Variants in P2RX5 observed in about 807,000 individuals in gnomAD.
P2RX5 encodes the protein P2X purinoceptor 5.
Under a neutral mutation model 54.1 loss-of-function variants are expected in P2RX5, and 46 were observed. The observed-to-expected ratio is 0.85, with a 90% CI of 0.67 to 1.09. The LOEUF (loss-of-function observed/expected upper bound fraction) is 1.09, where lower values mean the gene tolerates loss of function less well. Among genes scored for constraint, P2RX5 ranks in the 50% least tolerant of loss-of-function variants. The pLI, the probability that P2RX5 is intolerant of heterozygous loss-of-function variation, is 0.00. For missense variants in P2RX5, 566 were observed against 549.8 expected (o/e 1.03, Z -0.29); for synonymous variants, 226 against 226.4 (o/e 1.00, Z 0.02).
At chr17:3,688,386 C>G (rs77517893) in intron 8 of P2RX5, among the ~76,000 whole-genome samples, 3,748 of 152,298 alleles carry the variant, frequency 0.025, 146 homozygotes, top group African/African-American at 0.086. Flanking sequence ...CGGCAGAGGC[C>G]GCAAGACTCG....
intron 1 of P2RX5, among the ~76,000 whole-genome samples, chr17:3,694,266 C>A (rs2050697176): frequency 6.9e-6 from 1 of 144,888 alleles, no homozygotes; most frequent in African/African-American, 2.5e-5. Context: ...TATACAATTT[C>A]ATTTATACGA....
the P2RX5 span, among the ~76,000 whole-genome samples, chr17:3,719,869 A>G: frequency 3.4e-4 from 51 of 152,002 alleles, no homozygotes; most frequent in African/African-American, 1.2e-3. Flanking sequence ...GTGGGATTAC[A>G]GGCACCCACC....
chr17:3,681,363 G>A (rs917843220), intron 10 of P2RX5, among the ~76,000 whole-genome samples: 8 of 140,392 alleles, frequency 5.7e-5, no homozygotes, highest in Admixed American at 3.5e-4. Flanking sequence ...TCCCCTTCCC[G>A]CCCTCCCACA....
chr17:3,677,875 G>A (rs558576152), intron 11 of P2RX5: 4 of 985,288 alleles, frequency 4.1e-6, no homozygotes, highest in Non-Finnish European at 4.8e-6. Flanking sequence ...TCCTCTTCTA[G>A]GTCCGAGCCC....
At chr17:3,691,574 T>C in intron 2 of P2RX5, 70 bp downstream of exon 2, 1 of 1,592,886 alleles carries the variant, frequency 6.3e-7, no homozygotes, top group Non-Finnish European at 8.6e-7. Flanking sequence ...TCCAAGAAGC[T>C]TCCCGTGTGA....
Position 3,690,587 on chromosome 17 carries a change from G to C in P2RX5, c.436+18C>G. Reference sequence around the variant, plus strand: ...ACTCCGAGTCCTCCTTCAGCCCGTGGCCGCTCCAGGCCCTCACCGTTTCCA... The same window carrying C: ...ACTCCGAGTCCTCCTTCAGCCCGTGCCCGCTCCAGGCCCTCACCGTTTCCA... On this transcript the variant is annotated intron_variant, in intron 4 of 11. Coordinates refer to ENST00000225328, the MANE Select transcript of P2RX5 (RefSeq NM_002561.4). The C allele has an allele frequency of 6.2e-7, 1 of 1,613,418 alleles. No homozygotes were observed. The highest frequency in any genetic ancestry group is 1.1e-5 in the South Asian group (1 of 91,088).
chr17:3,681,802 C>A, intron 10 of P2RX5, 94 bp downstream of exon 10: 1 of 849,760 alleles, frequency 1.2e-6, no homozygotes, highest in Non-Finnish European at 2.0e-6. Context: ...GCCTCCCACC[C>A]CAGCCATCAA....
the P2RX5 span, chr17:3,716,631 T>C: frequency 9.2e-7 from 1 of 1,085,482 alleles, no homozygotes; most frequent in Non-Finnish European, 1.4e-6. Flanking sequence ...TAAGGAGTTC[T>C]GTGCCCAAAA....
chr17:3,690,830 C>G lies in P2RX5; in HGVS notation c.360+126G>C. 5 of 1,134,308 alleles carry G rather than the reference C, an allele frequency of 4.4e-6. No homozygotes were observed. In the South Asian group the frequency reaches 6.5e-5, roughly 15 times the overall value. The allele number at this position is 1,134,308 out of a possible 1,614,324, so 70.3% of individuals were successfully genotyped here. The stretch of plus-strand genomic sequence containing the variant: ...TCCCCCATATAATGCAGGAACCACA[C>G]CCGGGTGCACACAGCCACCCGAGAC... On this transcript the variant is annotated intron_variant, in intron 3 of 11. Transcript: ENST00000225328.
rs1048459598 is a variant in P2RX5 at position 3,673,478 on chromosome 17, G to A, written c.*390C>T. On this transcript the variant is annotated 3_prime_UTR_variant, in exon 12 of 12. Transcript: ENST00000225328. Reference sequence around the variant, plus strand: ...CTGGAACCAAATGGAGCCCTTTTCCGGACACGCACAATGCTATTCCCAGTG... The same window carrying A: ...CTGGAACCAAATGGAGCCCTTTTCCAGACACGCACAATGCTATTCCCAGTG... 15 of 1,124,004 alleles carry A rather than the reference G, an allele frequency of 1.3e-5. No homozygotes were observed. Among genetic ancestry groups the A allele is most frequent in the Middle Eastern group, 4.0e-4 (1 of 2,484 alleles). 69.6% of individuals were successfully genotyped at this position (1,124,004 alleles called of 1,614,324 possible).
the P2RX5 span, among the ~76,000 whole-genome samples, chr17:3,712,794 T>C: frequency 6.6e-6 from 1 of 151,822 alleles, no homozygotes; most frequent in African/African-American, 2.4e-5. Context: ...AGTGCAAAAA[T>C]TAGCTGGGCA....
the P2RX5 span, among the ~76,000 whole-genome samples, chr17:3,706,681 G>A: frequency 2.6e-5 from 4 of 151,448 alleles, no homozygotes; most frequent in African/African-American, 9.7e-5. Flanking sequence ...GTGTGATCTC[G>A]GCTCACCGCA....
chr17:3,685,308 A>G (rs1275662478), intron 9 of P2RX5, among the ~76,000 whole-genome samples: 1 of 152,156 alleles, frequency 6.6e-6, no homozygotes, highest in African/African-American at 2.4e-5. Context: ...CTGGAAAGAG[A>G]CTCGGGCTGT....
At chr17:3,681,736 C>T (rs1027927665) in intron 10 of P2RX5, among the ~76,000 whole-genome samples, 160 bp downstream of exon 10, 10 of 152,182 alleles carry the variant, frequency 6.6e-5, no homozygotes, top group South Asian at 2.1e-4. Context: ...AGGCCGAATC[C>T]GGTTCTGTAG....
intron 6 of P2RX5, 36 bp from the exon 7 acceptor site, chr17:3,689,666 A>G: frequency 6.2e-7 from 1 of 1,613,680 alleles, no homozygotes; most frequent in Non-Finnish European, 8.5e-7. Context: ...GAAATGAAGT[A>G]AGACTTGATG....
At chr17:3,685,098 C>G (rs1051798786) in intron 9 of P2RX5, among the ~76,000 whole-genome samples, 18 of 152,098 alleles carry the variant, frequency 1.2e-4, no homozygotes, top group African/African-American at 3.4e-4. Context: ...CGCCACCTCA[C>G]CCTCCCAAAG....
intron 10 of P2RX5, among the ~76,000 whole-genome samples, chr17:3,680,074 GGCTTCCTCCATCCTACGTCCTCCACCCA>G (rs2050204235): frequency 9.8e-6 from 1 of 101,704 alleles, no homozygotes; most frequent in African/African-American, 3.9e-5. Flanking sequence ...TCCTCCACCT[GGCTTCCTCCATCCTACGTCCTCCACCCA>G]GCGTCCTCCA....
chr17:3,718,962 T>C, the P2RX5 span, among the ~76,000 whole-genome samples: 53 of 152,266 alleles, frequency 3.5e-4, no homozygotes, highest in South Asian at 0.011. Context: ...CCGGACATGG[T>C]GGCTCATGCC....
chr17:3,681,663 G>A (rs1004416170), intron 10 of P2RX5, among the ~76,000 whole-genome samples: 11 of 152,312 alleles, frequency 7.2e-5, no homozygotes, highest in East Asian at 3.9e-4. Context: ...AGAATCAGGC[G>A]GAGCCTGTGA....
Sources: allele counts gnomAD v4.1 joint callset (sites outside exome capture counted in the v4.1 genomes callset), GRCh38; gene constraint gnomAD v4.1.1; transcripts MANE v1.5; gene names NCBI Gene and HGNC (gene_info 2026-07-23, HGNC 2026-07-21).